Variants in CFH observed in about 807,000 individuals in gnomAD.
The protein encoded by CFH is complement factor H.
A neutral mutation model predicts 147.3 loss-of-function variants in CFH; 53 were observed. The ratio of observed to expected loss-of-function variants is 0.36; its 90% confidence interval spans 0.29 to 0.45. The LOEUF (loss-of-function observed/expected upper bound fraction) is 0.45, where lower values mean the gene tolerates loss of function less well. Among genes scored for constraint, CFH ranks in the 20% least tolerant of loss-of-function variants. CFH has a pLI of 1.00. For synonymous variants in CFH, 536 were observed against 489.4 expected (o/e 1.10, Z -1.26); for missense variants, 1,380 against 1,498.0 (o/e 0.92, Z 1.30).
chr1:196,740,887 T>C, intron 18 of CFH, 95 bp downstream of exon 18: 1 of 1,240,498 alleles, frequency 8.1e-7, no homozygotes, highest in Non-Finnish European at 1.2e-6. Flanking sequence ...ACTCTAGAAA[T>C]TCATAAGGTT....
rs1196012660 is a variant in CFH, at chr1:196,714,647, A to G, written c.1519+730A>G. ...TATACGTATATATGTATATATATAT[A>G]TATATATATATATATATATATAGAG... is the stretch of plus-strand genomic sequence containing the variant. On this transcript the variant is annotated intron_variant, in intron 10 of 21. Coordinates refer to ENST00000367429, the MANE Select transcript of CFH (RefSeq NM_000186.4). 9.6e-5 allele frequency among the ~76,000 whole-genome samples: 4 copies of G among 41,542 alleles called. 1 individual carries two copies. The highest frequency in any genetic ancestry group is 5.8e-4 in the East Asian group (1 of 1,720). 27.3% of individuals were successfully genotyped at this position (41,542 alleles called of 152,430 possible). A position where few individuals can be genotyped will look rare whatever the true frequency, so the allele number is the denominator to read the frequency against.
rs368846503 is a variant in CFH, at chr1:196,737,645, C to T, written c.2767C>T (p.Pro923Ser). The change falls in exon 17 of 22, where the codon CCA becomes TCA. Residue 923 changes from proline (P) to serine (S), a missense_variant. By Grantham distance (74) the Pro-to-Ser change is moderately conservative (BLOSUM62 -1). Around this residue, in one of 4 missense-constraint regions of CFH, gnomAD observed 830 missense variants for 821.4 expected, o/e 1.01. Coordinates refer to ENST00000367429, the MANE Select transcript of CFH (RefSeq NM_000186.4). The part of the protein sequence containing the change: ...TTCYMGKWSS[P>S]PQCEGLPCKS... ...ATGCTACATGGGAAAATGGAGTTCT[C>T]CACCTCAGTGTGAAGGTTAGGCCAA... The T allele has an allele frequency of 5.0e-6, 8 of 1,613,126 alleles. No homozygotes were observed. The African/African-American group carries it at 9.3e-5, about 19-fold the overall frequency.
intron 4 of CFH, 41 bp downstream of exon 4, chr1:196,676,106 T>C (rs749261592): frequency 1.3e-5 from 16 of 1,230,648 alleles, no homozygotes; most frequent in East Asian, 9.7e-5. Flanking sequence ...GAAATAAATA[T>C]CTAAGATTTA....
intron 15 of CFH, among the ~76,000 whole-genome samples, chr1:196,732,414 T>A (rs1410745479): frequency 2.6e-5 from 4 of 152,114 alleles, no homozygotes; most frequent in Admixed American, 2.0e-4. Flanking sequence ...TCAGTGAGTA[T>A]CTTTATGACC....
At chr1:196,737,380 A>G in intron 16 of CFH, 95 bp from the exon 17 acceptor site, 4 of 879,370 alleles carry the variant, frequency 4.5e-6, no homozygotes, top group Non-Finnish European at 7.2e-6. Context: ...TGTTCAAATT[A>G]TACTCACTTT....
chr1:196,678,385 C>A (rs1427279047), intron 5 of CFH: 1 of 151,810 alleles, frequency 6.6e-6, no homozygotes, highest in Non-Finnish European at 1.5e-5. Flanking sequence ...TTTAGTAGTA[C>A]CATAGTTCAA....
chr1:196,736,782 AT>A (rs780887588), intron 15 of CFH, 41 bp from the exon 16 acceptor site: 27 of 994,886 alleles, frequency 2.7e-5, no homozygotes, highest in African/African-American at 2.6e-4. Flanking sequence ...TTTATTTTTT[AT>A]TTTTTATTAT....
In CFH at chr1:196,689,470, A is replaced by C. The variant is rs1325497149; in HGVS notation, c.1015A>C (p.Asn339His). Reference protein sequence around the residue: ...DIKHGGLYHENMRRPYFPVAV... With the variant: ...DIKHGGLYHEHMRRPYFPVAV... ...TAAACATGGAGGTCTATATCATGAG[A>C]ATATGCGTAGACCATACTTTCCAGT... Residue 339 changes from asparagine to histidine, a missense_variant, in exon 8 of 22, where the codon AAT becomes CAT. Asn to His is a moderately conservative substitution (Grantham distance 68, BLOSUM62 1). Transcript: ENST00000367429. 4 of 1,613,406 alleles carry C rather than the reference A, an allele frequency of 2.5e-6. No individual in the cohort carries two copies. Among genetic ancestry groups the C allele is most frequent in the Non-Finnish European group, 3.4e-6 (4 of 1,179,646 alleles).
At position 196,689,606 on chromosome 1, in the gene CFH, C is replaced by T. The variant is rs747364631; in HGVS notation, c.1151C>T (p.Pro384Leu). 1.1e-5 allele frequency: 17 copies of T among 1,613,274 alleles called. No individual in the cohort carries two copies. Among genetic ancestry groups the T allele is most frequent in the Middle Eastern group, 1.6e-4 (1 of 6,074 alleles). Reference protein sequence around the residue: ...CTQDGWSPAVPCLRKCYFPYL... With the variant: ...CTQDGWSPAVLCLRKCYFPYL... ...CAAGATGGATGGTCGCCAGCAGTAC[C>T]ATGCCTCAGTAAGTAAACCTCTGAA... Residue 384 changes from proline (P) to leucine (L), a missense_variant, in exon 8 of 22, where the codon CCA (proline) becomes CTA (leucine). Coordinates refer to ENST00000367429, the MANE Select transcript of CFH (RefSeq NM_000186.4).
rs150613411 is a variant in CFH at position 196,676,504 on chromosome 1, C to A, written c.427+439C>A. On this transcript the variant is annotated intron_variant, in intron 4 of 21. Coordinates refer to ENST00000367429, the MANE Select transcript of CFH (RefSeq NM_000186.4). ...CTAAGGGAGGTTGCCTGTGGACTTA[C>A]CTTTACTGAAAAGAGGAATAAACTA... Among the ~76,000 whole-genome samples the A allele has an allele frequency of 7.4e-3, 1,119 of 152,116 alleles. 10 individuals carry two copies. The highest frequency in any genetic ancestry group is 0.011 in the Non-Finnish European group (743 of 67,972).
At chr1:196,666,728 C>T (rs201943409) in intron 1 of CFH, among the ~76,000 whole-genome samples, 5 of 142,718 alleles carry the variant, frequency 3.5e-5, no homozygotes, top group African/African-American at 5.2e-5. Context: ...AGGAGAATGG[C>T]GTGAACCCAG....
intron 9 of CFH, among the ~76,000 whole-genome samples, chr1:196,712,776 C>T (rs575392405): frequency 8.3e-6 from 1 of 121,138 alleles, no homozygotes; most frequent in African/African-American, 3.1e-5. Flanking sequence ...CTCCCCCCAC[C>T]CCACAGCAGT....
At chr1:196,707,759 G>C (rs1173360711) in intron 9 of CFH, among the ~76,000 whole-genome samples, 1 of 151,178 alleles carries the variant, frequency 6.6e-6, no homozygotes, top group African/African-American at 2.5e-5. Flanking sequence ...AAAAATATCA[G>C]ATAAGTAACT....
At chr1:196,660,050 A>G (rs1666849395) in intron 1 of CFH, among the ~76,000 whole-genome samples, 1 of 152,180 alleles carries the variant, frequency 6.6e-6, no homozygotes, top group Non-Finnish European at 1.5e-5. Context: ...CCTAAGAGAA[A>G]ATAGAGATGG....
chr1:196,663,675 T>G (rs1572999483), intron 1 of CFH, among the ~76,000 whole-genome samples: 1 of 152,218 alleles, frequency 6.6e-6, no homozygotes, highest in African/African-American at 2.4e-5. Flanking sequence ...TTACAACTTA[T>G]CTTTTCTGGG....
chr1:196,699,949 A>C (rs1354470388), intron 9 of CFH, among the ~76,000 whole-genome samples: 5 of 152,182 alleles, frequency 3.3e-5, no homozygotes, highest in Non-Finnish European at 7.3e-5. Context: ...AATCTTTGTC[A>C]CTAGAATCTT....
intron 1 of CFH, among the ~76,000 whole-genome samples, chr1:196,652,799 T>C (rs1360071735): frequency 3.9e-5 from 6 of 151,932 alleles, no homozygotes; most frequent in Non-Finnish European, 7.4e-5. Flanking sequence ...ACATATATTC[T>C]TGAAGAGCAG....
At chr1:196,721,360 G>T (rs1056441384) in intron 11 of CFH, among the ~76,000 whole-genome samples, 6 of 151,888 alleles carry the variant, frequency 4.0e-5, no homozygotes, top group African/African-American at 1.4e-4. Flanking sequence ...GGATAGTTTT[G>T]AAAATTCTTT....
intron 9 of CFH, among the ~76,000 whole-genome samples, chr1:196,706,686 C>T (rs1048351445): frequency 3.5e-4 from 53 of 152,070 alleles, no homozygotes; most frequent in African/African-American, 1.3e-3. Flanking sequence ...GGCAGGCATG[C>T]CACCCTTCAA....
Sources: allele counts gnomAD v4.1 joint callset (sites outside exome capture counted in the v4.1 genomes callset), GRCh38; gene constraint gnomAD v4.1.1; regional missense constraint gnomAD v4.1.1; transcripts MANE v1.5; gene names NCBI Gene and HGNC (gene_info 2026-07-23, HGNC 2026-07-21).